Variants in BRD10 observed in about 807,000 individuals in gnomAD.
The protein encoded by BRD10 is bromodomain containing 10, also known as uncharacterized bromodomain-containing protein 10.
the BRD10 span, among the ~76,000 whole-genome samples, chr9:5,938,824 T>C: frequency 1.3e-5 from 2 of 152,154 alleles, no homozygotes; most frequent in Admixed American, 1.3e-4. Flanking sequence ...AAAAAATATA[T>C]CGTACACATG....
At chr9:5,966,588 T>C in the BRD10 span, among the ~76,000 whole-genome samples, 4 of 150,192 alleles carry the variant, frequency 2.7e-5, no homozygotes, top group Middle Eastern at 3.2e-3. Flanking sequence ...GCCTCCCGAG[T>C]AGCTGGGACT....
chr9:5,969,170 C>T, the BRD10 span: 145 of 1,613,620 alleles, frequency 9.0e-5, 1 homozygote, highest in East Asian at 3.1e-4. Context: ...GGTAGGTCTG[C>T]GATGGGGAGG....
At chr9:5,891,865 G>C in the BRD10 span, among the ~76,000 whole-genome samples, 2 of 152,228 alleles carry the variant, frequency 1.3e-5, no homozygotes, top group African/African-American at 4.8e-5. Context: ...TGAAGCCCCT[G>C]TGTGGGGTGG....
the BRD10 span, among the ~76,000 whole-genome samples, chr9:5,941,068 A>T: frequency 6.6e-6 from 1 of 152,150 alleles, no homozygotes; most frequent in Non-Finnish European, 1.5e-5. Context: ...TGAAAATCAG[A>T]ACTATGATAC....
chr9:5,960,988 A>C, the BRD10 span, among the ~76,000 whole-genome samples: 1 of 151,908 alleles, frequency 6.6e-6, no homozygotes, highest in Admixed American at 6.5e-5. Context: ...CTATTCAAAA[A>C]TACATAGTCT....
At chr9:5,928,270 A>G in the BRD10 span, among the ~76,000 whole-genome samples, 656 of 152,226 alleles carry the variant, frequency 4.3e-3, 2 homozygotes, top group Non-Finnish European at 7.7e-3. Flanking sequence ...ATCCTAGTCC[A>G]AGCCTCTACC....
the BRD10 span, among the ~76,000 whole-genome samples, chr9:5,995,358 T>C: frequency 6.6e-6 from 1 of 152,250 alleles, no homozygotes; most frequent in Non-Finnish European, 1.5e-5. Flanking sequence ...ATCCTTACTT[T>C]ATGTTTCAGT....
the BRD10 span, among the ~76,000 whole-genome samples, chr9:5,936,969 T>C: frequency 1.3e-5 from 2 of 152,144 alleles, no homozygotes; most frequent in Non-Finnish European, 2.9e-5. Context: ...GTGGCAATCA[T>C]GCCTGTAATC....
the BRD10 span, among the ~76,000 whole-genome samples, chr9:5,985,492 T>A: frequency 6.6e-6 from 1 of 152,072 alleles, no homozygotes; most frequent in Non-Finnish European, 1.5e-5. Flanking sequence ...CCAGAATACA[T>A]AAAGAATTCT....
chr9:5,920,805 C>A, the BRD10 span: 1 of 1,614,004 alleles, frequency 6.2e-7, no homozygotes, highest in Non-Finnish European at 8.5e-7. Flanking sequence ...TTAGGAGACA[C>A]TACTGGTTGT....
the BRD10 span, among the ~76,000 whole-genome samples, chr9:5,932,781 G>A: frequency 9.9e-5 from 15 of 152,182 alleles, no homozygotes; most frequent in African/African-American, 3.6e-4. Flanking sequence ...ATACAATGCT[G>A]TATTTCTTGG....
chr9:5,968,239 T>C, the BRD10 span: 15 of 1,612,836 alleles, frequency 9.3e-6, no homozygotes, highest in African/African-American at 1.2e-4. Flanking sequence ...ACTGCTCTAA[T>C]AGAATATCCC....
the BRD10 span, among the ~76,000 whole-genome samples, chr9:5,940,022 A>ACACC: frequency 6.6e-6 from 1 of 152,218 alleles, no homozygotes; most frequent in Non-Finnish European, 1.5e-5. Context: ...TAGCTAATGT[A>ACACC]CACCCTTTGG....
At chr9:5,961,659 T>A in the BRD10 span, among the ~76,000 whole-genome samples, 1 of 152,184 alleles carries the variant, frequency 6.6e-6, no homozygotes, top group African/African-American at 2.4e-5. Flanking sequence ...CATGAGATAA[T>A]GGACATTATA....
chr9:5,972,435 C>T, the BRD10 span, among the ~76,000 whole-genome samples: 1 of 152,228 alleles, frequency 6.6e-6, no homozygotes, highest in Non-Finnish European at 1.5e-5. Context: ...TCTGCACCCT[C>T]CAATTCTCAT....
At chr9:5,993,419 G>A in the BRD10 span, among the ~76,000 whole-genome samples, 33 of 151,884 alleles carry the variant, frequency 2.2e-4, no homozygotes, top group African/African-American at 8.0e-4. Context: ...AAGGGTCCTG[G>A]AAAGAAATAG....
the BRD10 span, among the ~76,000 whole-genome samples, chr9:5,971,146 A>G: frequency 6.6e-6 from 1 of 152,046 alleles, no homozygotes; most frequent in Non-Finnish European, 1.5e-5. Context: ...GAACAACAAA[A>G]GCACATGAAA....
chr9:6,003,812 A>C, the BRD10 span, among the ~76,000 whole-genome samples: 24 of 152,148 alleles, frequency 1.6e-4, no homozygotes, highest in African/African-American at 5.1e-4. Flanking sequence ...GATTACATGC[A>C]TTGCTGCTTT....
the BRD10 span, among the ~76,000 whole-genome samples, chr9:5,965,694 A>C: frequency 6.6e-6 from 1 of 152,232 alleles, no homozygotes; most frequent in Non-Finnish European, 1.5e-5. Flanking sequence ...CAGTTTTGCA[A>C]AATGAATTGT....
Sources: allele counts gnomAD v4.1 joint callset (sites outside exome capture counted in the v4.1 genomes callset), GRCh38; gene constraint gnomAD v4.1.1; transcripts MANE v1.5; gene names NCBI Gene and HGNC (gene_info 2026-07-23, HGNC 2026-07-21).